The following DPPA2 variants were observed in gnomAD, a reference collection of about 807,000 sequenced individuals.
DPPA2 encodes the protein developmental pluripotency associated 2.
A neutral mutation model predicts 36.2 loss-of-function variants in DPPA2; 26 were observed. The ratio of observed to expected loss-of-function variants is 0.72; its 90% CI spans 0.53 to 1.00. DPPA2 has a LOEUF of 1.00. Ranked by LOEUF, DPPA2 falls within the 50% of genes least tolerant of loss-of-function variation. The pLI is 0.00. For missense variants in DPPA2, 361 were observed against 365.1 expected, an observed-to-expected ratio of 0.99 and a Z score of 0.09; for synonymous variants, 113 against 123.2, an observed-to-expected ratio of 0.92 and a Z score of 0.55.
At chr3:109,299,269 T>C (rs1707414677) in intron 8 of DPPA2, among the ~76,000 whole-genome samples, 1 of 151,950 alleles carries the variant, frequency 6.6e-6, no homozygotes. Flanking sequence ...TCCCAGCACT[T>C]TGGGAAACCG....
At chr3:109,300,289 G>A in intron 8 of DPPA2, 82 bp downstream of exon 8, 1 of 1,144,194 alleles carries the variant, frequency 8.7e-7, no homozygotes, top group Non-Finnish European at 1.3e-6. Flanking sequence ...AAGGCAGAGA[G>A]TTTCTCTTGT....
intron 8 of DPPA2, among the ~76,000 whole-genome samples, chr3:109,298,791 G>A (rs1374113317): frequency 2.0e-5 from 3 of 149,576 alleles, no homozygotes; most frequent in Admixed American, 2.0e-4. Flanking sequence ...CACTTTGGAA[G>A]ATTAAGCGAG....
chr3:109,309,445 T>C, intron 3 of DPPA2, 115 bp from the exon 4 acceptor site: 1 of 1,159,158 alleles, frequency 8.6e-7, no homozygotes. Context: ...CCCAGCACTT[T>C]GGGAGGCCGA....
intron 6 of DPPA2, among the ~76,000 whole-genome samples, chr3:109,305,341 G>A (rs1046439555): frequency 3.9e-5 from 6 of 151,960 alleles, no homozygotes; most frequent in Admixed American, 2.6e-4. Flanking sequence ...TGAGATAAAC[G>A]AAGCTTATGG....
At chr3:109,294,261 G>A (rs9861358) in intron 8 of DPPA2, among the ~76,000 whole-genome samples, 71,624 of 152,020 alleles carry the variant, frequency 0.47, 20,362 homozygotes, top group East Asian at 0.69. Flanking sequence ...CCAATCCTGT[G>A]TTGGTCTTCA....
intron 7 of DPPA2, among the ~76,000 whole-genome samples, chr3:109,304,005 C>T (rs1362846844): frequency 6.6e-6 from 1 of 151,980 alleles, no homozygotes; most frequent in Non-Finnish European, 1.5e-5. Flanking sequence ...GGCACGGTGG[C>T]TCACACCTGT....
intron 7 of DPPA2, among the ~76,000 whole-genome samples, chr3:109,301,847 G>A (rs558541231): frequency 2.0e-5 from 3 of 152,138 alleles, no homozygotes; most frequent in Admixed American, 1.3e-4. Context: ...AGCTAATGAC[G>A]GTGATCAACA....
chr3:109,305,364 T>C (rs1195647201), intron 6 of DPPA2, among the ~76,000 whole-genome samples: 1 of 152,182 alleles, frequency 6.6e-6, no homozygotes, highest in Admixed American at 6.6e-5. Context: ...TTAAATATCA[T>C]AAGTTACTCA....
Position 109,308,189 on chromosome 3 carries a change from C to G in DPPA2, c.501G>C (p.Glu167Asp). 1 of 1,614,238 alleles carries G rather than the reference C, an allele frequency of 6.2e-7. No homozygotes were observed. Among genetic ancestry groups the G allele is most frequent in the South Asian group, 1.1e-5 (1 of 91,090 alleles). ...ARLQRSYEMN[E>D]RAEETNTVEV... ...CAACTGTATTGGTCTCTTCTGCTCTCTCATTCATCTCATAACTTCTCTGAA... is the reference window on the plus strand; with the variant it reads ...CAACTGTATTGGTCTCTTCTGCTCTGTCATTCATCTCATAACTTCTCTGAA... Residue 167 changes from glutamate (E) to aspartate (D), a missense_variant, in exon 6 of 9, where the codon GAG becomes GAC. Physicochemically the swap from Glu to Asp is conservative, Grantham distance 45. Transcript: ENST00000478945.
intron 8 of DPPA2, among the ~76,000 whole-genome samples, chr3:109,296,966 T>C (rs183497959): frequency 3.9e-5 from 6 of 151,994 alleles, no homozygotes; most frequent in African/African-American, 1.4e-4. Flanking sequence ...AATGTGCACC[T>C]GTAGTCCCAG....
rs143960462 is a variant in DPPA2 at position 109,296,161 on chromosome 3, A to C, written c.*23-2157T>G. 2.1e-4 allele frequency among the ~76,000 whole-genome samples: 32 copies of C among 152,318 alleles called. 3 individuals are homozygous for C. The East Asian group carries it at 6.0e-3, about 28-fold the overall frequency. ...TATCCCAAAATTAATGACATACAAA[A>C]CCAGAGATCCAGGAAGCTCAGAGAT... On this transcript the variant is annotated intron_variant, in intron 8 of 8. Coordinates refer to ENST00000478945, the MANE Select transcript of DPPA2 (RefSeq NM_138815.4).
intron 2 of DPPA2, among the ~76,000 whole-genome samples, chr3:109,314,031 T>C (rs561259617): frequency 9.2e-5 from 14 of 152,256 alleles, no homozygotes; most frequent in Middle Eastern, 3.4e-3. Flanking sequence ...CCAAGGCCAC[T>C]GGGAGTAGAT....
chr3:109,309,473 G>A, intron 3 of DPPA2, 143 bp from the exon 4 acceptor site: 2 of 788,028 alleles, frequency 2.5e-6, no homozygotes, highest in South Asian at 3.5e-5. Flanking sequence ...AGATCACGAG[G>A]TCAGGAGATC....
At chr3:109,295,103 C>T (rs1707328501) in intron 8 of DPPA2, 1 of 152,166 alleles carries the variant, frequency 6.6e-6, no homozygotes, top group Admixed American at 6.5e-5. Flanking sequence ...AAATTCAATT[C>T]AAATTGAGAA....
At chr3:109,296,435 G>A (rs1285927193) in intron 8 of DPPA2, among the ~76,000 whole-genome samples, 2 of 152,244 alleles carry the variant, frequency 1.3e-5, no homozygotes, top group Admixed American at 6.5e-5. Context: ...AAAACTTTGG[G>A]AGGCTAAGGC....
intron 6 of DPPA2, among the ~76,000 whole-genome samples, chr3:109,307,310 C>G (rs889660209): frequency 6.6e-6 from 1 of 151,496 alleles, no homozygotes; most frequent in Admixed American, 6.6e-5. Flanking sequence ...TTTTATATAA[C>G]AGGATACTTG....
chr3:109,300,372 T>C lies in DPPA2; in HGVS notation c.*21A>G, dbSNP rs1399190553. On this transcript the variant is annotated splice_region_variant and 3_prime_UTR_variant, in exon 8 of 9. Coordinates refer to ENST00000478945, the MANE Select transcript of DPPA2 (RefSeq NM_138815.4). ...AGGTGGCATATTCTCATCTCTTACA[T>C]TGTATTCAAACAGGTTGCTGCTACT... 2 of 1,611,126 alleles carry C rather than the reference T, an allele frequency of 1.2e-6. No homozygotes were observed. Among genetic ancestry groups the C allele is most frequent in the Non-Finnish European group, 8.5e-7 (1 of 1,177,500 alleles).
chr3:109,310,579 C>T (rs1000944652), intron 3 of DPPA2, among the ~76,000 whole-genome samples: 4 of 151,238 alleles, frequency 2.6e-5, no homozygotes, highest in African/African-American at 7.3e-5. Context: ...GATCTCAGCT[C>T]ACTGCAACCT....
intron 3 of DPPA2, among the ~76,000 whole-genome samples, chr3:109,310,322 T>A (rs1359313174): frequency 1.4e-5 from 2 of 141,168 alleles, no homozygotes; most frequent in Non-Finnish European, 3.0e-5. Context: ...GCAGGAGAAT[T>A]GCTTGAACCC....
Sources: gnomAD v4.1 joint callset for allele counts (sites outside exome capture counted in the v4.1 genomes callset) on GRCh38, gnomAD v4.1.1 for gene constraint, MANE v1.5 for transcripts, NCBI Gene and HGNC (gene_info 2026-07-23, HGNC 2026-07-21) for gene names.